Variants in SCAF8 observed in about 807,000 individuals in gnomAD.
SCAF8 encodes the protein SR-related CTD associated factor 8.
SCAF8 carries 23 observed loss-of-function variants against 140.5 expected under a neutral mutation model. The observed-to-expected ratio is 0.16, with a 90% CI of 0.12 to 0.23. SCAF8 has a LOEUF of 0.23. Among genes scored for constraint, SCAF8 ranks in the 10% least tolerant of loss-of-function variants. SCAF8 has a pLI of 1.00. For missense variants in SCAF8, 1,397 were observed against 1,555.7 expected, an observed-to-expected ratio of 0.90 and a Z score of 1.72; for synonymous variants, 575 against 528.9, an observed-to-expected ratio of 1.09 and a Z score of -1.20.
Position 154,834,217 on chromosome 6 carries a change from C to T in SCAF8, c.*822C>T, listed in dbSNP as rs1226957603. Reference sequence around the variant, plus strand: ...CTTTGATATAAAAATCATGCAGCCTCCTCAGTATGTGTATAATATCTGTGT... The same window carrying T: ...CTTTGATATAAAAATCATGCAGCCTTCTCAGTATGTGTATAATATCTGTGT... On this transcript the variant is annotated 3_prime_UTR_variant, in exon 20 of 20. Coordinates refer to ENST00000367178, the MANE Select transcript of SCAF8 (RefSeq NM_014892.5). 6.6e-6 allele frequency: 1 copy of T among 152,092 alleles called. No individual in the cohort carries two copies. The highest frequency in any genetic ancestry group is 1.5e-5 in the Non-Finnish European group (1 of 68,012). 9.4% of individuals were successfully genotyped at this position (152,092 alleles called of 1,614,324 possible).
intron 1 of SCAF8, among the ~76,000 whole-genome samples, chr6:154,770,613 G>C (rs1364137542): frequency 6.6e-6 from 1 of 152,034 alleles, no homozygotes; most frequent in Non-Finnish European, 1.5e-5. Context: ...AGTATGTGAT[G>C]GGATCCTAAT....
intron 1 of SCAF8, among the ~76,000 whole-genome samples, chr6:154,757,638 A>C (rs1316036905): frequency 1.3e-5 from 2 of 152,212 alleles, no homozygotes; most frequent in African/African-American, 2.4e-5. Context: ...ATTGGCTGCT[A>C]CTTATTGAAG....
chr6:154,756,819 G>C (rs1289519417), intron 1 of SCAF8, among the ~76,000 whole-genome samples: 1 of 152,074 alleles, frequency 6.6e-6, no homozygotes, highest in Non-Finnish European at 1.5e-5. Flanking sequence ...TTGAGCCTCA[G>C]GAGTTTTAAG....
At chr6:154,756,984 A>G (rs1242808908) in intron 1 of SCAF8, among the ~76,000 whole-genome samples, 2 of 151,822 alleles carry the variant, frequency 1.3e-5, no homozygotes, top group African/African-American at 4.8e-5. Flanking sequence ...AGGTTGCACC[A>G]CTGCACTCCA....
chr6:154,817,629 C>A (rs955251499), intron 13 of SCAF8, among the ~76,000 whole-genome samples: 1 of 152,076 alleles, frequency 6.6e-6, no homozygotes, highest in Non-Finnish European at 1.5e-5. Context: ...ATATATTTCT[C>A]TTTTAATAAG....
intron 3 of SCAF8, among the ~76,000 whole-genome samples, chr6:154,781,900 T>G (rs993175021): frequency 5.3e-5 from 8 of 152,178 alleles, no homozygotes; most frequent in Non-Finnish European, 7.3e-5. Context: ...ATAAATTGTG[T>G]GAGGGAGAAG....
chr6:154,754,761 C>T (rs1440062973), intron 1 of SCAF8, among the ~76,000 whole-genome samples: 4 of 152,110 alleles, frequency 2.6e-5, no homozygotes, highest in Non-Finnish European at 4.4e-5. Flanking sequence ...CTTATTCTCC[C>T]TTTGTTATTT....
chr6:154,749,090 G>A (rs1180781134), intron 1 of SCAF8, among the ~76,000 whole-genome samples: 1 of 152,090 alleles, frequency 6.6e-6, no homozygotes, highest in African/African-American at 2.4e-5. Flanking sequence ...TATGGGCATG[G>A]CGCCACCATC....
chr6:154,754,079 T>C (rs889131755), intron 1 of SCAF8, among the ~76,000 whole-genome samples: 1 of 152,218 alleles, frequency 6.6e-6, no homozygotes, highest in Admixed American at 6.5e-5. Context: ...GTGGAGTTAG[T>C]CTATTTTAAT....
intron 15 of SCAF8, among the ~76,000 whole-genome samples, chr6:154,820,706 C>T (rs1778393649): frequency 1.3e-5 from 2 of 151,914 alleles, no homozygotes; most frequent in Non-Finnish European, 2.9e-5. Context: ...GAGTAGTATC[C>T]ATGTTGAAAA....
At chr6:154,763,445 C>G (rs1361394285) in intron 1 of SCAF8, among the ~76,000 whole-genome samples, 1 of 152,086 alleles carries the variant, frequency 6.6e-6, no homozygotes, top group African/African-American at 2.4e-5. Context: ...AAGGTTAATT[C>G]CTTTGATCAT....
At chr6:154,746,903 A>T (rs751282442) in intron 1 of SCAF8, among the ~76,000 whole-genome samples, 1 of 152,182 alleles carries the variant, frequency 6.6e-6, no homozygotes, top group South Asian at 2.1e-4. Context: ...AATTAACTTT[A>T]ATCATTTACT....
At chr6:154,831,389 G>A (rs973536070) in intron 19 of SCAF8, among the ~76,000 whole-genome samples, 1 of 151,512 alleles carries the variant, frequency 6.6e-6, no homozygotes, top group African/African-American at 2.4e-5. Flanking sequence ...TGTCCTATTG[G>A]GACTACTTCA....
intron 1 of SCAF8, among the ~76,000 whole-genome samples, chr6:154,756,781 C>T (rs1199541360): frequency 6.6e-6 from 1 of 152,120 alleles, no homozygotes; most frequent in East Asian, 1.9e-4. Flanking sequence ...AATCCCAGCA[C>T]TTTGGGAAGC....
chr6:154,748,451 G>T (rs923797779), intron 1 of SCAF8, among the ~76,000 whole-genome samples: 4 of 152,026 alleles, frequency 2.6e-5, no homozygotes, highest in Non-Finnish European at 4.4e-5. Flanking sequence ...AGAACTGTTT[G>T]CAGATTATCC....
rs1036108131 is a variant in SCAF8, at chr6:154,733,785, C to T, written c.-116C>T. 32 of 1,387,272 alleles carry T rather than the reference C, an allele frequency of 2.3e-5. No individual in the cohort carries two copies. The highest frequency in any genetic ancestry group is 7.8e-5 in the Admixed American group (2 of 25,742). The allele number at this position is 1,387,272 out of a possible 1,614,324, so 85.9% of individuals were successfully genotyped here. ...CGCCCCGAGGTCGCAGCGGCCCGCT[C>T]TCCCGCCAGCGCCCCCTCCTCGCGG... On this transcript the variant is annotated 5_prime_UTR_variant, in exon 1 of 20. Coordinates refer to ENST00000367178, the MANE Select transcript of SCAF8 (RefSeq NM_014892.5).
intron 6 of SCAF8, among the ~76,000 whole-genome samples, chr6:154,797,665 A>G (rs1186032928): frequency 6.6e-6 from 1 of 151,344 alleles, no homozygotes; most frequent in Non-Finnish European, 1.5e-5. Flanking sequence ...AAGTGCTGGG[A>G]TTACAGGTGT....
At chr6:154,783,697 T>A (rs1192392952) in intron 3 of SCAF8, among the ~76,000 whole-genome samples, 1 of 152,212 alleles carries the variant, frequency 6.6e-6, no homozygotes, top group East Asian at 1.9e-4. Context: ...AGTGGATATG[T>A]ATATATTTTT....
At chr6:154,744,124 C>G (rs1357514978) in intron 1 of SCAF8, among the ~76,000 whole-genome samples, 1 of 152,170 alleles carries the variant, frequency 6.6e-6, no homozygotes, top group Non-Finnish European at 1.5e-5. Flanking sequence ...GAAACCCTGT[C>G]TCTACTAAAA....
Sources: allele counts gnomAD v4.1 joint callset (sites outside exome capture counted in the v4.1 genomes callset), GRCh38; gene constraint gnomAD v4.1.1; transcripts MANE v1.5; gene names NCBI Gene and HGNC (gene_info 2026-07-23, HGNC 2026-07-21).